Variants in MAPRE2 observed in about 807,000 individuals in gnomAD.
MAPRE2 encodes microtubule associated protein RP/EB family member 2.
A neutral mutation model predicts 43.2 loss-of-function variants in MAPRE2; 13 were observed. That is an observed-to-expected ratio of 0.30 (90% CI 0.20 to 0.48). MAPRE2 has a LOEUF of 0.48. Ranked by LOEUF, MAPRE2 falls within the 20% of genes least tolerant of loss-of-function variation. The pLI, the probability that MAPRE2 is intolerant of heterozygous loss-of-function variation, is 0.99. For synonymous variants in MAPRE2, 135 were observed against 148.8 expected (o/e 0.91, Z 0.68); for missense variants, 161 against 400.2 (o/e 0.40, Z 5.10).
chr18:35,102,302 T>C, intron 4 of MAPRE2, 143 bp downstream of exon 4: 1 of 593,536 alleles, frequency 1.7e-6, no homozygotes, highest in Non-Finnish European at 2.8e-6. Context: ...TGTTGTCTGT[T>C]TCACCACATT....
rs1422529082 is a variant in MAPRE2 at position 35,125,664 on chromosome 18, T to G, written c.611-1284T>G. The stretch of plus-strand genomic sequence containing the variant: ...AAGGGAATGGACGGGCCCCCAGTAG[T>G]GGCTTGGAATTTCATAATCCATGAA... On this transcript the variant is annotated intron_variant, in intron 4 of 6. Coordinates refer to ENST00000300249, the MANE Select transcript of MAPRE2 (RefSeq NM_014268.4). Among the ~76,000 whole-genome samples, 3 of 152,240 alleles carry G rather than the reference T, an allele frequency of 2.0e-5. No homozygotes were observed. In the East Asian group the frequency reaches 5.8e-4, roughly 29 times the overall value.
intron 2 of MAPRE2, among the ~76,000 whole-genome samples, chr18:35,013,602 A>C (rs2097036210): frequency 6.6e-6 from 1 of 152,180 alleles, no homozygotes; most frequent in Admixed American, 6.6e-5. Context: ...GGTATAGAAC[A>C]CTAGAACCTA....
At chr18:35,011,788 T>C (rs1266613005) in intron 2 of MAPRE2, among the ~76,000 whole-genome samples, 1 of 152,088 alleles carries the variant, frequency 6.6e-6, no homozygotes, top group Non-Finnish European at 1.5e-5. Flanking sequence ...TAGAAAGGAC[T>C]GGGGAAGGAA....
chr18:35,074,850 G>T (rs1425162927), intron 2 of MAPRE2, among the ~76,000 whole-genome samples: 2 of 152,054 alleles, frequency 1.3e-5, no homozygotes, highest in Non-Finnish European at 2.9e-5. Flanking sequence ...TGCCTGGACT[G>T]TCACTATATC....
chr18:34,998,539 G>A (rs2097027682), intron 1 of MAPRE2, among the ~76,000 whole-genome samples: 1 of 151,862 alleles, frequency 6.6e-6, no homozygotes, highest in South Asian at 2.1e-4. Context: ...GTGTTAGCCA[G>A]GATGGTCTCG....
At chr18:35,133,483 C>T (rs74784473) in intron 6 of MAPRE2, among the ~76,000 whole-genome samples, 1 of 152,082 alleles carries the variant, frequency 6.6e-6, no homozygotes, top group Non-Finnish European at 1.5e-5. Context: ...AGTGCTTGCC[C>T]TCTGTAAGCA....
At chr18:35,086,597 A>G (rs183945948) in intron 2 of MAPRE2, among the ~76,000 whole-genome samples, 2 of 152,028 alleles carry the variant, frequency 1.3e-5, no homozygotes, top group Admixed American at 1.3e-4. Context: ...AACTTAATCT[A>G]TAAAAATTTC....
At chr18:35,125,116 T>A (rs575158478) in intron 4 of MAPRE2, among the ~76,000 whole-genome samples, 8 of 152,344 alleles carry the variant, frequency 5.3e-5, no homozygotes, top group South Asian at 4.1e-4. Context: ...GTTTATTTTT[T>A]AAAAATTTTT....
At chr18:35,072,296 A>C (rs1263342980) in intron 2 of MAPRE2, among the ~76,000 whole-genome samples, 2 of 152,250 alleles carry the variant, frequency 1.3e-5, no homozygotes, top group Non-Finnish European at 2.9e-5. Flanking sequence ...GTTTTCCTTC[A>C]GAAATACTCA....
intron 4 of MAPRE2, among the ~76,000 whole-genome samples, chr18:35,102,465 A>G (rs1244905128): frequency 6.6e-6 from 1 of 152,200 alleles, no homozygotes; most frequent in Non-Finnish European, 1.5e-5. Flanking sequence ...GAGAAATTTC[A>G]AGTAGCCTGT....
At chr18:35,107,411 T>A (rs1240919849) in intron 4 of MAPRE2, among the ~76,000 whole-genome samples, 1 of 152,192 alleles carries the variant, frequency 6.6e-6, no homozygotes, top group Non-Finnish European at 1.5e-5. Context: ...AATGTAATCA[T>A]GTTTATTCAT....
chr18:34,995,292 T>C lies in MAPRE2; in HGVS notation c.-69-10200T>C, dbSNP rs569405236. On this transcript the variant is annotated intron_variant, in intron 1 of 7. Coordinates refer to the MAPRE2 transcript ENST00000413393. ...TGCAGTTTTTAAGTTTTTTAGCTCATTGTTTGCTAGTCACAGAATTTGGCA... is the reference window on the plus strand; with the variant it reads ...TGCAGTTTTTAAGTTTTTTAGCTCACTGTTTGCTAGTCACAGAATTTGGCA... Among the ~76,000 whole-genome samples the C allele has an allele frequency of 3.3e-5, 5 of 152,290 alleles. No homozygotes were observed. In the East Asian group the frequency reaches 9.7e-4, roughly 29 times the overall value.
intron 1 of MAPRE2, among the ~76,000 whole-genome samples, chr18:34,998,330 T>TC (rs1484938898): frequency 6.9e-6 from 1 of 145,782 alleles, no homozygotes; most frequent in East Asian, 2.0e-4. Flanking sequence ...TCTCTTTTTT[T>TC]TTTTTTTTTT....
intron 4 of MAPRE2, among the ~76,000 whole-genome samples, chr18:35,103,534 C>T (rs1365512947): frequency 6.6e-6 from 1 of 152,082 alleles, no homozygotes; most frequent in East Asian, 1.9e-4. Flanking sequence ...GGGGGTGGTG[C>T]ACATGTGTGT....
At chr18:34,980,618 A>G (rs1568959199) in intron 1 of MAPRE2, among the ~76,000 whole-genome samples, 1 of 152,200 alleles carries the variant, frequency 6.6e-6, no homozygotes, top group Non-Finnish European at 1.5e-5. Flanking sequence ...TTCCAGATAT[A>G]TAGAAGCCAA....
chr18:34,979,699 A>G (rs1417798516), intron 1 of MAPRE2, among the ~76,000 whole-genome samples: 1 of 152,190 alleles, frequency 6.6e-6, no homozygotes, highest in Non-Finnish European at 1.5e-5. Flanking sequence ...CTACTTGATT[A>G]TACATCCAGG....
rs556336860 is a variant in MAPRE2 at position 35,020,730 on chromosome 18, G to A, written c.-8+15177G>A. Reference sequence around the variant, plus strand: ...ATAAAATAAAAATTTCCTGGCTCGAGAACATTACTTTATTTAAAAAGCTGT... The same window carrying A: ...ATAAAATAAAAATTTCCTGGCTCGAAAACATTACTTTATTTAAAAAGCTGT... On this transcript the variant is annotated intron_variant, in intron 2 of 7. Transcript: ENST00000413393. Among the ~76,000 whole-genome samples, 4 of 152,206 alleles carry A rather than the reference G, an allele frequency of 2.6e-5. No homozygotes were observed. The South Asian group carries it at 8.3e-4, about 32-fold the overall frequency.
intron 2 of MAPRE2, among the ~76,000 whole-genome samples, chr18:35,010,664 A>G (rs1261441230): frequency 1.3e-5 from 2 of 152,210 alleles, no homozygotes; most frequent in African/African-American, 4.8e-5. Context: ...TGCAGAGATT[A>G]ACGTTCTCAT....
At chr18:35,117,017 A>G (rs1909442065) in intron 4 of MAPRE2, among the ~76,000 whole-genome samples, 2 of 152,232 alleles carry the variant, frequency 1.3e-5, no homozygotes. Context: ...CTCGTAAACC[A>G]GCTGAGAGGC....
Sources: allele counts gnomAD v4.1 joint callset (sites outside exome capture counted in the v4.1 genomes callset), GRCh38; gene constraint gnomAD v4.1.1; transcripts MANE v1.5; gene names NCBI Gene and HGNC (gene_info 2026-07-23, HGNC 2026-07-21).